TAFA2: variants seen among roughly 807,000 people sequenced by gnomAD.
The protein encoded by TAFA2 is TAFA chemokine like family member 2.
A neutral mutation model predicts 18.8 loss-of-function variants in TAFA2; 7 were observed. That is an observed-to-expected ratio of 0.37 (90% confidence interval 0.21 to 0.70). The LOEUF (loss-of-function observed/expected upper bound fraction) is 0.70, where lower values mean the gene tolerates loss of function less well. Among genes scored for constraint, TAFA2 ranks in the 30% least tolerant of loss-of-function variants. The pLI, the probability that TAFA2 is intolerant of heterozygous loss-of-function variation, is 0.53. For missense variants in TAFA2, 122 were observed against 158.1 expected (o/e 0.77, Z 1.23); for synonymous variants, 60 against 54.2 (o/e 1.11, Z -0.47).
intron 2 of TAFA2, among the ~76,000 whole-genome samples, chr12:61,782,113 AT>A (rs1313700081): frequency 6.6e-6 from 1 of 151,700 alleles, no homozygotes; most frequent in Non-Finnish European, 1.5e-5. Context: ...GGTATAAAAT[AT>A]AAACGAAATT....
At chr12:61,763,451 C>A (rs1869649753) in intron 2 of TAFA2, among the ~76,000 whole-genome samples, 1 of 151,834 alleles carries the variant, frequency 6.6e-6, no homozygotes, top group South Asian at 2.1e-4. Flanking sequence ...AGATTCTTTG[C>A]CTCTCACCTC....
intron 1 of TAFA2, among the ~76,000 whole-genome samples, chr12:62,169,545 A>G (rs145253094): frequency 3.9e-5 from 6 of 152,308 alleles, no homozygotes; most frequent in Admixed American, 3.9e-4. Flanking sequence ...GACTTAGAAA[A>G]GCATCACAAG....
intron 1 of TAFA2, among the ~76,000 whole-genome samples, chr12:61,957,508 G>A (rs902223726): frequency 6.6e-6 from 1 of 152,018 alleles, no homozygotes; most frequent in Admixed American, 6.6e-5. Flanking sequence ...GGGGGATGAG[G>A]AACTTGGTTA....
At chr12:61,919,417 T>C (rs530884168) in intron 1 of TAFA2, among the ~76,000 whole-genome samples, 1 of 152,202 alleles carries the variant, frequency 6.6e-6, no homozygotes, top group Admixed American at 6.5e-5. Flanking sequence ...TCTGAATATC[T>C]GTTTCACAGA....
At chr12:61,813,133 A>T (rs1456313238) in intron 2 of TAFA2, among the ~76,000 whole-genome samples, 11 of 151,338 alleles carry the variant, frequency 7.3e-5, no homozygotes, top group Non-Finnish European at 1.5e-5. Flanking sequence ...ATTACTAGAA[A>T]ATTAGATTGT....
At chr12:61,852,937 A>G (rs1430676333) in intron 2 of TAFA2, among the ~76,000 whole-genome samples, 2 of 152,228 alleles carry the variant, frequency 1.3e-5, no homozygotes, top group East Asian at 3.8e-4. Flanking sequence ...AAAGGGTACA[A>G]ACCTTTAGCT....
At chr12:61,852,375 A>G (rs1025930914) in intron 2 of TAFA2, among the ~76,000 whole-genome samples, 1 of 152,186 alleles carries the variant, frequency 6.6e-6, no homozygotes, top group Non-Finnish European at 1.5e-5. Flanking sequence ...GGCTTGCACA[A>G]CAGGGAACAG....
chr12:61,786,116 A>G (rs903102955), intron 2 of TAFA2, among the ~76,000 whole-genome samples: 1 of 151,638 alleles, frequency 6.6e-6, no homozygotes, highest in African/African-American at 2.4e-5. Flanking sequence ...AGAAACATCC[A>G]CAAAGATTAA....
Position 61,875,463 on chromosome 12 carries a change from G to A in TAFA2, c.-1-8037C>T, listed in dbSNP as rs1046937884. Among the ~76,000 whole-genome samples, 4 of 151,966 alleles carry A rather than the reference G, an allele frequency of 2.6e-5. No individual in the cohort carries two copies. In the East Asian group the frequency reaches 7.7e-4, roughly 29 times the overall value. On this transcript the variant is annotated intron_variant, in intron 1 of 4. Transcript: ENST00000416284. ...AAAATAAGGTACGGTTATATAGTAT[G>A]ACCAAAAGTGAGATTTCATACTGAA...
chr12:62,055,287 C>A (rs1175565136), intron 1 of TAFA2, among the ~76,000 whole-genome samples: 1 of 152,184 alleles, frequency 6.6e-6, no homozygotes, highest in Non-Finnish European at 1.5e-5. Flanking sequence ...TTACAAAATC[C>A]CAAACAGACT....
chr12:62,174,149 C>A (rs1040237122), intron 1 of TAFA2, among the ~76,000 whole-genome samples: 2 of 152,022 alleles, frequency 1.3e-5, no homozygotes, highest in African/African-American at 4.8e-5. Context: ...AAAAATTAGC[C>A]GGTGTGGTGG....
chr12:61,896,405 C>T (rs1340792506), intron 1 of TAFA2, among the ~76,000 whole-genome samples: 1 of 152,234 alleles, frequency 6.6e-6, no homozygotes, highest in Non-Finnish European at 1.5e-5. Context: ...AAACTCCACA[C>T]TTTTCATCCA....
intron 2 of TAFA2, among the ~76,000 whole-genome samples, chr12:61,804,534 T>A (rs1565639837): frequency 6.6e-6 from 1 of 151,964 alleles, no homozygotes; most frequent in Non-Finnish European, 1.5e-5. Context: ...TTAGGTAAAG[T>A]TCAAAGCAGA....
At chr12:61,993,304 T>A (rs1290794557) in intron 1 of TAFA2, among the ~76,000 whole-genome samples, 2 of 152,328 alleles carry the variant, frequency 1.3e-5, no homozygotes, top group Non-Finnish European at 2.9e-5. Flanking sequence ...ATGTCTCCAT[T>A]CTCAGAACTA....
rs987661239 is a variant in TAFA2, at chr12:62,156,920, G to A, written c.-2+34339C>T. Among the ~76,000 whole-genome samples the A allele has an allele frequency of 7.9e-5, 12 of 152,000 alleles. No homozygotes were observed. The East Asian group carries it at 2.3e-3, about 29-fold the overall frequency. ...TTAAAAACTATATGTGATTCACTATGGTCTATAATTTAAGGCACAGTATAA... is the reference window on the plus strand; with the variant it reads ...TTAAAAACTATATGTGATTCACTATAGTCTATAATTTAAGGCACAGTATAA... On this transcript the variant is annotated intron_variant, in intron 1 of 4. Coordinates refer to ENST00000416284, the MANE Select transcript of TAFA2 (RefSeq NM_178539.5).
At position 62,221,648 on chromosome 12, in the gene TAFA2, C is replaced by T. The variant is rs185424644; in HGVS notation, c.-130+37115G>A. On this transcript the variant is annotated intron_variant, in intron 1 of 5. Coordinates refer to the TAFA2 transcript ENST00000551619. ...ATAATTGGGAAAAATAAAATTGGAC[C>T]CTAACCTCTCATTGATTCATGAGAA... is the stretch of plus-strand genomic sequence containing the variant. 1.3e-4 allele frequency among the ~76,000 whole-genome samples: 20 copies of T among 152,006 alleles called. No homozygotes were observed. In the East Asian group the frequency reaches 3.1e-3, roughly 24 times the overall value.
At chr12:61,803,459 T>C (rs933187189) in intron 2 of TAFA2, among the ~76,000 whole-genome samples, 1 of 151,956 alleles carries the variant, frequency 6.6e-6, no homozygotes, top group African/African-American at 2.4e-5. Flanking sequence ...CTTTAAGCAC[T>C]GATGCTCTAT....
chr12:62,172,138 A>G (rs531269157), intron 1 of TAFA2, among the ~76,000 whole-genome samples: 70 of 152,342 alleles, frequency 4.6e-4, no homozygotes, highest in African/African-American at 1.5e-3. Flanking sequence ...ATTCTTTTAA[A>G]AAAGAAAACA....
intron 2 of TAFA2, among the ~76,000 whole-genome samples, chr12:61,768,075 T>C (rs1005632740): frequency 1.3e-5 from 2 of 152,126 alleles, no homozygotes; most frequent in African/African-American, 2.4e-5. Context: ...TGCCTAGTCA[T>C]TCACACATTG....
Sources: allele counts gnomAD v4.1 joint callset (sites outside exome capture counted in the v4.1 genomes callset), GRCh38; gene constraint gnomAD v4.1.1; transcripts MANE v1.5; gene names NCBI Gene and HGNC (gene_info 2026-07-23, HGNC 2026-07-21).